The following ZNF496 variants were observed in gnomAD, a reference collection of about 807,000 sequenced individuals.
ZNF496 encodes zinc finger protein 496.
ZNF496 carries 11 observed loss-of-function variants against 58.9 expected under a neutral mutation model. The observed-to-expected ratio is 0.19, with a 90% confidence interval of 0.12 to 0.31. The LOEUF is 0.31. ZNF496 is among the 10% of genes least tolerant of loss of function. The pLI, the probability that ZNF496 is intolerant of heterozygous loss-of-function variation, is 1.00. For missense variants in ZNF496, 660 were observed against 783.0 expected, an observed-to-expected ratio of 0.84 and a Z score of 1.88; for synonymous variants, 338 against 318.2, an observed-to-expected ratio of 1.06 and a Z score of -0.66.
rs1659518048 is a variant in ZNF496, at chr1:247,309,311, G to T, written c.892+388C>A. On this transcript the variant is annotated intron_variant, in intron 8 of 9. Coordinates refer to ENST00000682384, the MANE Select transcript of ZNF496 (RefSeq NM_032752.3). This position sits in a 1 kb window ranked among gnomAD's most constrained non-coding sequence, Gnocchi z 4.3. The stretch of plus-strand genomic sequence containing the variant: ...CAGATGGGAAGACTAGACAGGTGAG[G>T]CACCTCAAAGGGCTGCGCTCGGTGC... 1.1e-6 allele frequency: 1 copy of T among 888,242 alleles called. No homozygotes were observed. The highest frequency in any genetic ancestry group is 1.4e-6 in the Non-Finnish European group (1 of 723,804). 55.0% of individuals were successfully genotyped at this position (888,242 alleles called of 1,614,324 possible).
chr1:247,324,185 T>C (rs1229898750), intron 5 of ZNF496, among the ~76,000 whole-genome samples: 1 of 151,698 alleles, frequency 6.6e-6, no homozygotes, highest in Non-Finnish European at 1.5e-5. Context: ...TGAATGAACC[T>C]GAAAGACATG....
At position 247,308,614 on chromosome 1, in the gene ZNF496, T is replaced by C. The variant is rs187335174; in HGVS notation, c.893-26A>G. 1.8e-4 allele frequency: 292 copies of C among 1,604,216 alleles called. No individual in the cohort carries two copies. In the African/African-American group the frequency reaches 3.3e-3, roughly 18 times the overall value. On this transcript the variant is annotated intron_variant, in intron 8 of 9. Transcript: ENST00000682384. The surrounding 1 kb of genome is among the most constrained non-coding windows in gnomAD (Gnocchi z 4.5). ...CTTTCCAGAGGAGGAAATGGAAAAA[T>C]TGATTTGTTTTGCACCTACAGCACT...
chr1:247,304,769 T>C (rs1048723370), intron 9 of ZNF496, among the ~76,000 whole-genome samples: 1 of 152,214 alleles, frequency 6.6e-6, no homozygotes, highest in Non-Finnish European at 1.5e-5. Flanking sequence ...GCTATGCTTT[T>C]CTCACAGTTG....
Position 247,309,629 on chromosome 1 carries a change from T to C in ZNF496, c.892+70A>G. 6.3e-7 allele frequency: 1 copy of C among 1,584,656 alleles called. No homozygotes were observed. Among genetic ancestry groups the C allele is most frequent in the Non-Finnish European group, 8.6e-7 (1 of 1,163,886 alleles). On this transcript the variant is annotated intron_variant, in intron 8 of 9. Transcript: ENST00000682384. This position sits in a 1 kb window ranked among gnomAD's most constrained non-coding sequence, Gnocchi z 4.3. ...GGGGCCGCAGAGAGAAGCCAGAGAG[T>C]GGGCTCACCTCCGGCTGCCAGCAAC...
intron 5 of ZNF496, among the ~76,000 whole-genome samples, chr1:247,325,456 G>C (rs1660090663): frequency 6.6e-6 from 1 of 152,152 alleles, no homozygotes; most frequent in Admixed American, 6.5e-5. Flanking sequence ...ACTATACATT[G>C]TGAAATGATT....
intron 6 of ZNF496, chr1:247,311,424 C>CACAGAG (rs1659596996): frequency 1.3e-5 from 1 of 74,820 alleles, no homozygotes; most frequent in African/African-American, 3.9e-5. Context: ...AAAACACACA[C>CACAGAG]ACAGAGACAC....
chr1:247,329,627 CAG>C lies in ZNF496; in HGVS notation c.-37-14_-37-13del, dbSNP rs1432449234. On this transcript the variant is annotated splice_polypyrimidine_tract_variant and intron_variant, in intron 3 of 9. Transcript: ENST00000682384. This position sits in a 1 kb window ranked among gnomAD's most constrained non-coding sequence, Gnocchi z 5.5. Reference sequence around the variant, plus strand: ...AGCAGAAGACGACCCTATTTCCAAACAGAAATCACTGGCTTCAGTGTTCTGGT... The same window carrying C: ...AGCAGAAGACGACCCTATTTCCAAACAAATCACTGGCTTCAGTGTTCTGGT... 1 of 1,514,874 alleles carries C rather than the reference CAG, an allele frequency of 6.6e-7. No homozygotes were observed. The highest frequency in any genetic ancestry group is 1.3e-5 in the South Asian group (1 of 74,448). The allele number at this position is 1,514,874 out of a possible 1,614,324, so 93.8% of individuals were successfully genotyped here.
At chr1:247,324,634 A>G (rs1266908995) in intron 5 of ZNF496, among the ~76,000 whole-genome samples, 1 of 152,110 alleles carries the variant, frequency 6.6e-6, no homozygotes, top group Non-Finnish European at 1.5e-5. Context: ...AGCTGGGACT[A>G]CAGGTGTGCC....
At chr1:247,306,987 A>G (rs1659435351) in intron 9 of ZNF496, 1 of 595,164 alleles carries the variant, frequency 1.7e-6, no homozygotes, top group Non-Finnish European at 2.1e-6. Flanking sequence ...TGCAATGTTT[A>G]GGACATAAAG....
In ZNF496 at chr1:247,322,964, C is replaced by G. The variant is rs41268347; in HGVS notation, c.651+190G>C. Among the ~76,000 whole-genome samples, 395 of 152,294 alleles carry G rather than the reference C, an allele frequency of 2.6e-3. 2 individuals are homozygous for G. Among genetic ancestry groups the G allele is most frequent in the Non-Finnish European group, 3.8e-3 (257 of 68,018 alleles). On this transcript the variant is annotated intron_variant, in intron 6 of 9. Coordinates refer to ENST00000682384, the MANE Select transcript of ZNF496 (RefSeq NM_032752.3). ...TGATGACAGTAGACCCAGTGGGCGG[C>G]TGGGACCACAGGGAAGGAGGAGAAA...
chr1:247,324,717 C>G (rs1660066513), intron 5 of ZNF496, among the ~76,000 whole-genome samples: 1 of 152,078 alleles, frequency 6.6e-6, no homozygotes, highest in African/African-American at 2.4e-5. Flanking sequence ...ACACTGTACA[C>G]TGTAAATACA....
intron 5 of ZNF496, among the ~76,000 whole-genome samples, chr1:247,323,668 G>C (rs749896617): frequency 1.2e-4 from 18 of 151,822 alleles, no homozygotes; most frequent in Non-Finnish European, 2.4e-4. Flanking sequence ...TGTAATCTCA[G>C]CTATTCTTAT....
intron 9 of ZNF496, chr1:247,307,757 T>C (rs545456788): frequency 3.0e-6 from 3 of 985,390 alleles, no homozygotes; most frequent in South Asian, 9.4e-5. Flanking sequence ...TTGGTCTCCA[T>C]AGCTGCAGAA....
rs1349498820 is a variant in ZNF496 at position 247,309,366 on chromosome 1, G to A, written c.892+333C>T. ...TTAGGAGACACTCCCTCTGCAACTA[G>A]GCTTGTCATGAGTATCTGACTTCAC... On this transcript the variant is annotated intron_variant, in intron 8 of 9. Coordinates refer to ENST00000682384, the MANE Select transcript of ZNF496 (RefSeq NM_032752.3). The surrounding 1 kb of genome is among the most constrained non-coding windows in gnomAD (Gnocchi z 4.3). 9 of 1,131,994 alleles carry A rather than the reference G, an allele frequency of 8.0e-6. No individual in the cohort carries two copies. The East Asian group carries it at 1.9e-4, about 23-fold the overall frequency. The allele number at this position is 1,131,994 out of a possible 1,614,324, so 70.1% of individuals were successfully genotyped here.
intron 6 of ZNF496, 36 bp downstream of exon 6, chr1:247,323,118 A>G (rs896502035): frequency 5.1e-6 from 8 of 1,576,146 alleles, no homozygotes; most frequent in African/African-American, 2.7e-5. Flanking sequence ...AGAGGCAAAC[A>G]GGGGATTTTC....
chr1:247,314,392 T>C (rs1362142240), intron 6 of ZNF496, among the ~76,000 whole-genome samples: 1 of 145,372 alleles, frequency 6.9e-6, no homozygotes, highest in Non-Finnish European at 1.5e-5. Context: ...CTTGTTGATG[T>C]GTGTCAAGGT....
At chr1:247,312,864 G>C (rs1188655585) in intron 6 of ZNF496, 2 of 152,066 alleles carry the variant, frequency 1.3e-5, no homozygotes, top group Non-Finnish European at 2.9e-5. Context: ...CTTCCACGTT[G>C]TATTTGTTAG....
intron 9 of ZNF496, chr1:247,306,951 T>G (rs1478023448): frequency 5.6e-6 from 2 of 358,784 alleles, no homozygotes; most frequent in African/African-American, 4.4e-5. Flanking sequence ...CAGAATCATG[T>G]CATCATGTAA....
chr1:247,305,921 C>A (rs1404118628), intron 9 of ZNF496, among the ~76,000 whole-genome samples: 1 of 152,022 alleles, frequency 6.6e-6, no homozygotes, highest in South Asian at 2.1e-4. Flanking sequence ...CTTTAAAAAA[C>A]AAAACAAAAC....
Sources: gnomAD v4.1 joint callset for allele counts (sites outside exome capture counted in the v4.1 genomes callset) on GRCh38, gnomAD v4.1.1 for gene constraint, Gnocchi (gnomAD v3.1) non-coding constraint, MANE v1.5 for transcripts, NCBI Gene and HGNC (gene_info 2026-07-23, HGNC 2026-07-21) for gene names.